Variants in DOCK1 observed in about 807,000 individuals in gnomAD.
DOCK1 encodes the protein dedicator of cytokinesis protein 1.
Under a neutral mutation model 262.7 loss-of-function variants are expected in DOCK1, and 138 were observed. That is an observed-to-expected ratio of 0.53 (90% confidence interval 0.46 to 0.61). The LOEUF is 0.61. Ranked by LOEUF, DOCK1 falls within the 20% of genes least tolerant of loss-of-function variation. The pLI is 0.00. For missense variants in DOCK1, 1,908 were observed against 2,370.7 expected (o/e 0.80, Z 4.05); for synonymous variants, 866 against 867.4 (o/e 1.00, Z 0.03).
intron 27 of DOCK1, among the ~76,000 whole-genome samples, chr10:127,174,588 A>T (rs1479872366): frequency 6.6e-6 from 1 of 152,234 alleles, no homozygotes; most frequent in African/African-American, 2.4e-5. Context: ...CACATAGGGC[A>T]GCCCGTGGGG....
At chr10:127,404,249 G>T in intron 39 of DOCK1, 76 bp from the exon 40 acceptor site, 2 of 1,269,200 alleles carry the variant, frequency 1.6e-6, no homozygotes, top group South Asian at 1.3e-5. Context: ...AGCTTTTAAA[G>T]AGCCCGCAAG....
intron 29 of DOCK1, among the ~76,000 whole-genome samples, chr10:127,259,196 G>T (rs1166841048): frequency 1.3e-5 from 2 of 152,146 alleles, no homozygotes; most frequent in Non-Finnish European, 2.9e-5. Context: ...GCAGAGTGGG[G>T]GTCTTGACCT....
At chr10:126,959,206 G>A (rs1223649484) in intron 1 of DOCK1, among the ~76,000 whole-genome samples, 1 of 152,126 alleles carries the variant, frequency 6.6e-6, no homozygotes, top group Non-Finnish European at 1.5e-5. Context: ...GACAATAGGT[G>A]ACAAATGTTT....
At chr10:127,116,599 A>C (rs533207804) in intron 25 of DOCK1, among the ~76,000 whole-genome samples, 2 of 152,222 alleles carry the variant, frequency 1.3e-5, no homozygotes, top group African/African-American at 4.8e-5. Flanking sequence ...CGTGTTTAAA[A>C]CAAACCCATA....
intron 27 of DOCK1, among the ~76,000 whole-genome samples, chr10:127,234,239 C>CA (rs780152097): frequency 5.9e-5 from 9 of 152,020 alleles, no homozygotes; most frequent in Non-Finnish European, 1.3e-4. Context: ...AAAGACAACA[C>CA]AAAAATATTG....
chr10:127,439,757 C>T (rs1056640614), intron 49 of DOCK1, among the ~76,000 whole-genome samples: 2 of 152,148 alleles, frequency 1.3e-5, no homozygotes, highest in East Asian at 1.9e-4. Context: ...TTTAAATCTC[C>T]TGGCCGTCTT....
At chr10:126,991,784 A>G (rs1163677526) in intron 6 of DOCK1, among the ~76,000 whole-genome samples, 1 of 152,150 alleles carries the variant, frequency 6.6e-6, no homozygotes, top group African/African-American at 2.4e-5. Flanking sequence ...CCGCCTTGGC[A>G]TCACAAAGTG....
intron 3 of DOCK1, among the ~76,000 whole-genome samples, chr10:126,979,388 A>G (rs1490667612): frequency 1.3e-5 from 2 of 152,124 alleles, no homozygotes; most frequent in African/African-American, 4.8e-5. Context: ...CTGCAGATGA[A>G]GCTCTGAATT....
intron 27 of DOCK1, among the ~76,000 whole-genome samples, chr10:127,194,744 C>A (rs989603128): frequency 6.6e-6 from 1 of 152,166 alleles, no homozygotes; most frequent in Non-Finnish European, 1.5e-5. Flanking sequence ...AGTGCACAGA[C>A]GTCTACCCTG....
At chr10:127,150,920 A>G (rs928789161) in intron 27 of DOCK1, among the ~76,000 whole-genome samples, 6 of 152,214 alleles carry the variant, frequency 3.9e-5, no homozygotes, top group African/African-American at 1.4e-4. Flanking sequence ...ATTCAAAGAA[A>G]ACGTCTGGGC....
intron 10 of DOCK1, among the ~76,000 whole-genome samples, chr10:127,007,876 T>G (rs923902158): frequency 6.6e-6 from 1 of 152,150 alleles, no homozygotes; most frequent in Admixed American, 6.5e-5. Flanking sequence ...TGCCTTGAAG[T>G]GTCCTCTTGA....
intron 1 of DOCK1, among the ~76,000 whole-genome samples, chr10:126,932,779 A>T (rs1807193304): frequency 6.6e-6 from 1 of 152,064 alleles, no homozygotes; most frequent in Non-Finnish European, 1.5e-5. Flanking sequence ...ACTGCAGAAT[A>T]TCTCCAAGTC....
chr10:127,185,410 C>A (rs1335871515), intron 27 of DOCK1, among the ~76,000 whole-genome samples: 3 of 152,150 alleles, frequency 2.0e-5, no homozygotes, highest in Non-Finnish European at 4.4e-5. Flanking sequence ...CCTGTAATCC[C>A]AGCTACTTGG....
intron 27 of DOCK1, among the ~76,000 whole-genome samples, chr10:127,169,874 C>T (rs1177914302): frequency 6.6e-6 from 1 of 152,148 alleles, no homozygotes; most frequent in African/African-American, 2.4e-5. Context: ...AACCTTGGTA[C>T]AGGATACCAC....
chr10:127,265,338 G>T (rs564891382), intron 29 of DOCK1, among the ~76,000 whole-genome samples: 2 of 152,010 alleles, frequency 1.3e-5, no homozygotes, highest in African/African-American at 4.8e-5. Flanking sequence ...TTTGGAGTTT[G>T]TGAGATCATG....
chr10:127,076,904 T>A (rs905682439), intron 23 of DOCK1, among the ~76,000 whole-genome samples: 3 of 152,162 alleles, frequency 2.0e-5, no homozygotes, highest in Admixed American at 6.5e-5. Context: ...GGCATTTTGC[T>A]CCTGCCTTCT....
rs540563713 is a variant in DOCK1 at position 127,409,255 on chromosome 10, G to A, written c.4265-58G>A. On this transcript the variant is annotated intron_variant, in intron 41 of 51. Coordinates refer to ENST00000623213, the MANE Select transcript of DOCK1 (RefSeq NM_001290223.2). Reference sequence around the variant, plus strand: ...TTTGGGTGGTTGGGTGTGGTGGGGGGCCTCTCTCATGGTTGATGTCTATGC... The same window carrying A: ...TTTGGGTGGTTGGGTGTGGTGGGGGACCTCTCTCATGGTTGATGTCTATGC... The A allele has an allele frequency of 8.1e-6, 13 of 1,611,976 alleles. No homozygotes were observed. In the East Asian group the frequency reaches 2.7e-4, roughly 33 times the overall value.
chr10:127,099,453 G>A (rs1189901498), intron 23 of DOCK1, among the ~76,000 whole-genome samples: 3 of 152,158 alleles, frequency 2.0e-5, no homozygotes, highest in Non-Finnish European at 2.9e-5. Flanking sequence ...ATAGAGAAAA[G>A]AGGTTTATTT....
In DOCK1 at chr10:126,990,545, C is replaced by A; in HGVS notation, c.415C>A (p.Gln139Lys). 2 of 1,613,772 alleles carry A rather than the reference C, an allele frequency of 1.2e-6. No homozygotes were observed. The highest frequency in any genetic ancestry group is 8.5e-7 in the Non-Finnish European group (1 of 1,179,850). The change falls in exon 6 of 52, where the codon CAG (glutamine) becomes AAG (lysine). Residue 139 changes from glutamine (Q) to lysine (K), a missense_variant. Gln to Lys is a moderately conservative substitution (Grantham distance 53, BLOSUM62 1). Around this residue, in one of 9 missense-constraint regions of DOCK1, gnomAD observed 227 missense variants for 254.1 expected, o/e 0.89. Transcript: ENST00000623213. ...ACAAATTCTTTCTGGAACTCTGCCTCAGGATGAACTCAAAGAACTGAAGAA... is the reference window on the plus strand; with the variant it reads ...ACAAATTCTTTCTGGAACTCTGCCTAAGGATGAACTCAAAGAACTGAAGAA... The part of the protein sequence containing the change: ...RSQILSGTLP[Q>K]DELKELKKKV...
Sources: allele counts gnomAD v4.1 joint callset (sites outside exome capture counted in the v4.1 genomes callset), GRCh38; gene constraint gnomAD v4.1.1; regional missense constraint gnomAD v4.1.1; transcripts MANE v1.5; gene names NCBI Gene and HGNC (gene_info 2026-07-23, HGNC 2026-07-21).